DNAJB4: variants seen among roughly 807,000 people sequenced by gnomAD.
DNAJB4 encodes the protein DnaJ heat shock protein family (Hsp40) member B4, also known as dnaJ homolog subfamily B member 4.
In DNAJB4, 10 loss-of-function variants were observed where a neutral mutation model predicts 26.6. That is an observed-to-expected ratio of 0.38 (90% CI 0.23 to 0.64). DNAJB4 has a LOEUF of 0.64. Among genes scored for constraint, DNAJB4 ranks in the 30% least tolerant of loss-of-function variants. The pLI, the probability that DNAJB4 is intolerant of heterozygous loss-of-function variation, is 0.58. For missense variants in DNAJB4, 328 were observed against 408.2 expected (o/e 0.80, Z 1.69); for synonymous variants, 136 against 134.8 (o/e 1.01, Z -0.06).
At chr1:77,984,344 A>G (rs1364236858) in intron 1 of DNAJB4, among the ~76,000 whole-genome samples, 2 of 152,224 alleles carry the variant, frequency 1.3e-5, no homozygotes, top group Non-Finnish European at 2.9e-5. Flanking sequence ...TGTTAGCTAG[A>G]CTAAGGCAGA....
intron 1 of DNAJB4, among the ~76,000 whole-genome samples, 180 bp from the exon 2 acceptor site, chr1:78,012,871 A>T (rs1474891122): frequency 6.6e-6 from 1 of 152,178 alleles, no homozygotes. Flanking sequence ...TAACAATTTA[A>T]CTTAGGATGT....
intron 1 of DNAJB4, among the ~76,000 whole-genome samples, chr1:77,998,767 G>T (rs2102599579): frequency 6.6e-6 from 1 of 152,198 alleles, no homozygotes; most frequent in East Asian, 1.9e-4. Context: ...GAGCTCAGGA[G>T]GTCGAGGCTG....
chr1:78,008,720 G>A (rs1328568708), intron 1 of DNAJB4, among the ~76,000 whole-genome samples: 1 of 151,978 alleles, frequency 6.6e-6, no homozygotes, highest in African/African-American at 2.4e-5. Context: ...TGTACAATAG[G>A]TTAATTTTAT....
chr1:77,999,620 G>A (rs765329606), intron 1 of DNAJB4, among the ~76,000 whole-genome samples: 14 of 152,106 alleles, frequency 9.2e-5, no homozygotes, highest in Non-Finnish European at 2.1e-4. Flanking sequence ...AAACATCCAA[G>A]TGGTAGCAAA....
At position 78,013,237 on chromosome 1, in the gene DNAJB4, G is replaced by A; in HGVS notation, c.398G>A (p.Ser133Asn). 5 of 1,614,202 alleles carry A rather than the reference G, an allele frequency of 3.1e-6. No individual in the cohort carries two copies. Among genetic ancestry groups the A allele is most frequent in the South Asian group, 2.2e-5 (2 of 91,078 alleles). ...EEMEIDGDPF[S>N]AFGFSMNGYP... The stretch of plus-strand genomic sequence containing the variant: ...ATGGAAATAGATGGTGATCCTTTTA[G>A]TGCCTTTGGTTTCAGCATGAATGGA... Residue 133 changes from serine to asparagine, a missense_variant, in exon 2 of 3, where the codon AGT becomes AAT. Transcript: ENST00000370763.
intron 1 of DNAJB4, among the ~76,000 whole-genome samples, chr1:77,995,536 T>C (rs547943418): frequency 6.6e-6 from 1 of 152,326 alleles, no homozygotes; most frequent in East Asian, 1.9e-4. Context: ...TATTGCAGCC[T>C]CATCTCCCTG....
chr1:78,005,631 A>AT lies in DNAJB4; in HGVS notation c.211+312dup, dbSNP rs553970024. 4.9e-4 allele frequency among the ~76,000 whole-genome samples: 74 copies of AT among 152,312 alleles called. 1 individual carries two copies. In the South Asian group the frequency reaches 0.014, roughly 29 times the overall value. On this transcript the variant is annotated intron_variant, in intron 1 of 2. Transcript: ENST00000370763. ...ATGTATATTTTAAAATAAACCTTGA[A>AT]TTCCCATACCTATTAGTAAATTGTG...
intron 1 of DNAJB4, among the ~76,000 whole-genome samples, chr1:77,994,660 G>A (rs1380618261): frequency 6.6e-6 from 1 of 150,884 alleles, no homozygotes; most frequent in African/African-American, 2.4e-5. Flanking sequence ...TATAAGAAAA[G>A]AGTATGAGAA....
At chr1:77,983,784 A>T (rs954759364) in intron 1 of DNAJB4, among the ~76,000 whole-genome samples, 30 of 152,140 alleles carry the variant, frequency 2.0e-4, no homozygotes, top group African/African-American at 7.2e-4. Flanking sequence ...TCCTATGTCT[A>T]CTTCTTTCTA....
chr1:77,981,158 C>T (rs1323536945), intron 1 of DNAJB4: 1 of 148,970 alleles, frequency 6.7e-6, no homozygotes, highest in Non-Finnish European at 1.5e-5. Context: ...ATGTAAGGAC[C>T]TCAATTTTTT....
At chr1:77,998,973 C>G (rs992825619) in intron 1 of DNAJB4, among the ~76,000 whole-genome samples, 1 of 152,166 alleles carries the variant, frequency 6.6e-6, no homozygotes, top group Non-Finnish European at 1.5e-5. Flanking sequence ...TTAAAAGGTA[C>G]TGTAAGTATT....
At chr1:77,985,479 A>G (rs1489841912) in intron 1 of DNAJB4, among the ~76,000 whole-genome samples, 1 of 152,176 alleles carries the variant, frequency 6.6e-6, no homozygotes, top group African/African-American at 2.4e-5. Context: ...CTATTTTTCT[A>G]TGGTTTATCA....
At chr1:77,991,622 C>G (rs1659933025) in intron 1 of DNAJB4, among the ~76,000 whole-genome samples, 1 of 152,186 alleles carries the variant, frequency 6.6e-6, no homozygotes, top group Non-Finnish European at 1.5e-5. Flanking sequence ...TGAGGTTGAA[C>G]AAGTCAGTGG....
At chr1:77,992,220 C>T (rs1330552002) in intron 1 of DNAJB4, among the ~76,000 whole-genome samples, 1 of 151,106 alleles carries the variant, frequency 6.6e-6, no homozygotes, top group Non-Finnish European at 1.5e-5. Context: ...GAGACCATCC[C>T]GGCTAAAACG....
At chr1:78,002,131 C>A (rs545447574), upstream of DNAJB4, among the ~76,000 whole-genome samples, 2 of 152,156 alleles carry the variant, frequency 1.3e-5, no homozygotes, top group African/African-American at 4.8e-5. Context: ...TTTATTTTAA[C>A]CTTTAAAAAA....
intron 1 of DNAJB4, among the ~76,000 whole-genome samples, chr1:77,988,235 C>T (rs1166948773): frequency 1.3e-5 from 2 of 151,996 alleles, no homozygotes; most frequent in Non-Finnish European, 2.9e-5. Context: ...ATTGTCCAGG[C>T]TAGTCTGAAA....
rs969416579 is a variant in DNAJB4 at position 78,016,703 on chromosome 1, CCTT to C, written c.*459_*461del. 5 of 155,992 alleles carry C rather than the reference CCTT, an allele frequency of 3.2e-5. No individual in the cohort carries two copies. Among genetic ancestry groups the C allele is most frequent in the African/African-American group, 1.2e-4 (5 of 41,468 alleles). 9.7% of individuals were successfully genotyped at this position (155,992 alleles called of 1,614,324 possible). A position where few individuals can be genotyped will look rare whatever the true frequency, so the allele number is the denominator to read the frequency against. ...CAAGTCAGTTATTAGATTTAAATCA[CCTT>C]CTGAAATGCTGCTATAGGGCTGGTA... is the stretch of plus-strand genomic sequence containing the variant. On this transcript the variant is annotated 3_prime_UTR_variant, in exon 3 of 3. Transcript: ENST00000370763.
rs368881437 is a variant in DNAJB4, at chr1:78,013,531, T to C, written c.692T>C (p.Ile231Thr). 1 of 1,613,568 alleles carries C rather than the reference T, an allele frequency of 6.2e-7. No individual in the cohort carries two copies. Among genetic ancestry groups the C allele is most frequent in the Non-Finnish European group, 8.5e-7 (1 of 1,179,954 alleles). ...DETPNSIPAD[I>T]VFIIKDKDHP... ...ACACCAAATAGTATTCCAGCAGACATTGTTTTTATCATTAAAGACAAAGAT... is the reference window on the plus strand; with the variant it reads ...ACACCAAATAGTATTCCAGCAGACACTGTTTTTATCATTAAAGACAAAGAT... Residue 231 changes from isoleucine to threonine, a missense_variant, in exon 2 of 3, where the codon ATT (isoleucine) becomes ACT (threonine). Physicochemically the swap from Ile to Thr is moderately conservative, Grantham distance 89. Coordinates refer to ENST00000370763, the MANE Select transcript of DNAJB4 (RefSeq NM_007034.5).
upstream of DNAJB4, among the ~76,000 whole-genome samples, chr1:78,001,006 AT>A (rs1660178951): frequency 1.3e-5 from 2 of 151,902 alleles, no homozygotes; most frequent in Admixed American, 1.3e-4. Context: ...AAAAAAAGAA[AT>A]TTCAGGGTCC....
Sources: gnomAD v4.1 joint callset for allele counts (sites outside exome capture counted in the v4.1 genomes callset) on GRCh38, gnomAD v4.1.1 for gene constraint, MANE v1.5 for transcripts, NCBI Gene and HGNC (gene_info 2026-07-23, HGNC 2026-07-21) for gene names.